The following FAM118B variants were observed in gnomAD, a reference collection of about 807,000 sequenced individuals.
The protein encoded by FAM118B is SIR2 antiphage like 1, also known as protein FAM118B.
In FAM118B, 24 loss-of-function variants were observed where a neutral mutation model predicts 38.5. The observed-to-expected ratio is 0.62, with a 90% CI of 0.45 to 0.88. The LOEUF (loss-of-function observed/expected upper bound fraction) is 0.88, where lower values mean the gene tolerates loss of function less well. FAM118B is among the 40% of genes least tolerant of loss of function. FAM118B has a pLI of 0.00. For missense variants in FAM118B, 334 were observed against 420.0 expected (o/e 0.80, Z 1.79); for synonymous variants, 138 against 156.3 (o/e 0.88, Z 0.87).
chr11:126,243,408 GA>G (rs1226959470), intron 4 of FAM118B, among the ~76,000 whole-genome samples: 1 of 151,138 alleles, frequency 6.6e-6, no homozygotes. Flanking sequence ...AGACTCCACT[GA>G]GCTGTGATCG....
At chr11:126,230,318 G>A (rs1464692943) in intron 2 of FAM118B, among the ~76,000 whole-genome samples, 1 of 152,132 alleles carries the variant, frequency 6.6e-6, no homozygotes, top group African/African-American at 2.4e-5. Context: ...TTCACTTTGG[G>A]TATCTTTCCC....
intron 4 of FAM118B, among the ~76,000 whole-genome samples, chr11:126,245,983 C>T (rs867899001): frequency 2.0e-4 from 29 of 142,790 alleles, no homozygotes; most frequent in African/African-American, 7.1e-4. Context: ...GCAACAGGTA[C>T]GAGACTCCGT....
chr11:126,256,971 T>C lies in FAM118B; in HGVS notation c.982+119T>C, dbSNP rs1038758942. On this transcript the variant is annotated intron_variant, in intron 7 of 8. Coordinates refer to ENST00000533050, the MANE Select transcript of FAM118B (RefSeq NM_024556.4). The surrounding 1 kb of genome is among the most constrained non-coding windows in gnomAD (Gnocchi z 6.6). Reference sequence around the variant, plus strand: ...ATGAGGAATGTAATGACTGACCAAATTGTAAAGGAGGCCACAGTCTTCAGG... The same window carrying C: ...ATGAGGAATGTAATGACTGACCAAACTGTAAAGGAGGCCACAGTCTTCAGG... 7 of 1,042,948 alleles carry C rather than the reference T, an allele frequency of 6.7e-6. No homozygotes were observed. Among genetic ancestry groups the C allele is most frequent in the Middle Eastern group, 6.1e-4 (2 of 3,290 alleles). The allele number at this position is 1,042,948 out of a possible 1,614,324, so 64.6% of individuals were successfully genotyped here.
intron 3 of FAM118B, among the ~76,000 whole-genome samples, chr11:126,239,914 A>G (rs572676234): frequency 1.2e-3 from 176 of 152,310 alleles, no homozygotes; most frequent in Non-Finnish European, 2.1e-3. Context: ...CAAGGCTTGA[A>G]AGTGCTATTC....
intron 4 of FAM118B, among the ~76,000 whole-genome samples, chr11:126,241,834 G>A (rs1339571608): frequency 6.6e-6 from 1 of 152,058 alleles, no homozygotes; most frequent in Non-Finnish European, 1.5e-5. Context: ...ATAGGCATGA[G>A]CCACTGCACC....
upstream of FAM118B, chr11:126,211,773 A>C: frequency 1.0e-6 from 1 of 997,386 alleles, no homozygotes; most frequent in South Asian, 1.6e-5. Flanking sequence ...GTGCGCGCTC[A>C]GTGCGGCTGC....
At chr11:126,259,648 G>A (rs1476011662) in intron 7 of FAM118B, among the ~76,000 whole-genome samples, 4 of 149,864 alleles carry the variant, frequency 2.7e-5, no homozygotes, top group East Asian at 2.0e-4. Flanking sequence ...GATGGTCTCG[G>A]TCTCCTGACC....
chr11:126,240,741 G>A (rs763980731), intron 3 of FAM118B, 51 bp from the exon 4 acceptor site: 1 of 1,514,286 alleles, frequency 6.6e-7, no homozygotes, highest in Non-Finnish European at 8.9e-7. Flanking sequence ...CTTTCTGTGT[G>A]CCTCATATCT....
At position 126,228,325 on chromosome 11, in the gene FAM118B, G is replaced by A. The variant is rs1318738078; in HGVS notation, c.-76-900G>A. Among the ~76,000 whole-genome samples the A allele has an allele frequency of 3.2e-4, 49 of 151,048 alleles. 1 individual carries two copies. Among genetic ancestry groups the A allele is most frequent in the Admixed American group, 3.2e-3 (49 of 15,180 alleles). ...GCAGTTCTGCCTCAGCCTCCCTCCT[G>A]AGTAGCTGGGATTACAGGTGTGTGC... On this transcript the variant is annotated intron_variant, in intron 1 of 8. Transcript: ENST00000533050.
At position 126,262,959 on chromosome 11, in the gene FAM118B, C is replaced by T. The variant is rs965110933; in HGVS notation, c.*826C>T. On this transcript the variant is annotated 3_prime_UTR_variant, in exon 9 of 9. Coordinates refer to ENST00000533050, the MANE Select transcript of FAM118B (RefSeq NM_024556.4). ...GCAATTTATTTATGAAATTTATTTT[C>T]TTATATAAATTACTTATTTCTCTGG... 6.6e-6 allele frequency: 1 copy of T among 152,602 alleles called. No homozygotes were observed. Among genetic ancestry groups the T allele is most frequent in the African/African-American group, 2.4e-5 (1 of 41,436 alleles). The allele number at this position is 152,602 out of a possible 1,614,324, so 9.5% of individuals were successfully genotyped here. A position where few individuals can be genotyped will look rare whatever the true frequency, so the allele number is the denominator to read the frequency against.
rs192396444 is a variant in FAM118B, at chr11:126,227,665, T to C, written c.-76-1560T>C. Among the ~76,000 whole-genome samples the C allele has an allele frequency of 6.8e-4, 103 of 152,346 alleles. No homozygotes were observed. The East Asian group carries it at 0.018, about 26-fold the overall frequency. ...CTTCTGTTCTTGGTTTTGCTATCAA[T>C]GGTTTTGGATTCCATGCTCACAATG... On this transcript the variant is annotated intron_variant, in intron 1 of 8. Transcript: ENST00000533050.
chr11:126,215,474 G>A (rs868098459), intron 1 of FAM118B, among the ~76,000 whole-genome samples: 20 of 152,176 alleles, frequency 1.3e-4, no homozygotes, highest in Middle Eastern at 3.4e-3. Context: ...CGAGGTGGGC[G>A]GATCACGAGA....
chr11:126,214,516 T>TG (rs1287721590), intron 1 of FAM118B: 7 of 92,512 alleles, frequency 7.6e-5, no homozygotes, highest in African/African-American at 2.3e-4. Flanking sequence ...TTTTTTTTGT[T>TG]TTTTTTTTTT....
At chr11:126,248,375 T>TTTTC (rs1950447276) in intron 4 of FAM118B, among the ~76,000 whole-genome samples, 1 of 120,372 alleles carries the variant, frequency 8.3e-6, no homozygotes, top group Non-Finnish European at 1.7e-5. Flanking sequence ...TTTTTTTTTT[T>TTTTC]TTTTTTTTTT....
At chr11:126,235,160 C>T (rs537881866) in intron 3 of FAM118B, 73 bp downstream of exon 3, 2 of 1,208,808 alleles carry the variant, frequency 1.7e-6, no homozygotes, top group African/African-American at 1.5e-5. Flanking sequence ...CAACTTATAC[C>T]TTCTATATCA....
chr11:126,218,393 G>A (rs1251194423), intron 1 of FAM118B, among the ~76,000 whole-genome samples: 1 of 152,170 alleles, frequency 6.6e-6, no homozygotes, highest in African/African-American at 2.4e-5. Context: ...GCACTGGATT[G>A]AGAAGTGCAG....
chr11:126,221,395 TAAAAC>T (rs754355404), intron 1 of FAM118B, among the ~76,000 whole-genome samples: 1 of 152,184 alleles, frequency 6.6e-6, no homozygotes, highest in Non-Finnish European at 1.5e-5. Flanking sequence ...TGTTGGTGCT[TAAAAC>T]AGAAAGAAAG....
intron 2 of FAM118B, among the ~76,000 whole-genome samples, chr11:126,233,358 C>T (rs1950231577): frequency 6.6e-6 from 1 of 152,100 alleles, no homozygotes; most frequent in African/African-American, 2.4e-5. Context: ...GCCTGTAATC[C>T]CAGCTACTCA....
intron 2 of FAM118B, among the ~76,000 whole-genome samples, chr11:126,234,050 C>G (rs1032458982): frequency 6.6e-6 from 1 of 152,124 alleles, no homozygotes; most frequent in South Asian, 2.1e-4. Flanking sequence ...CCACTGTACT[C>G]TAGCCTGGAC....
Sources: gnomAD v4.1 joint callset for allele counts (sites outside exome capture counted in the v4.1 genomes callset) on GRCh38, gnomAD v4.1.1 for gene constraint, Gnocchi (gnomAD v3.1) non-coding constraint, MANE v1.5 for transcripts, NCBI Gene and HGNC (gene_info 2026-07-23, HGNC 2026-07-21) for gene names.